Variants in FARS2 observed in about 807,000 individuals in gnomAD.
FARS2 encodes the protein phenylalanine--tRNA ligase, mitochondrial.
FARS2 carries 40 observed loss-of-function variants against 46.4 expected under a neutral mutation model. The observed-to-expected ratio is 0.86, with a 90% CI of 0.67 to 1.12. FARS2 has a LOEUF of 1.12. Among genes scored for constraint, FARS2 ranks in the 50% most tolerant of loss-of-function variants. The pLI is 0.00. For missense variants in FARS2, 513 were observed against 567.9 expected (o/e 0.90, Z 0.98); for synonymous variants, 234 against 214.9 (o/e 1.09, Z -0.78).
intron 2 of FARS2, among the ~76,000 whole-genome samples, chr6:5,385,899 CAG>C (rs1035764390): frequency 5.3e-5 from 8 of 152,146 alleles, no homozygotes; most frequent in African/African-American, 1.9e-4. Context: ...CCCTGGGGCT[CAG>C]GGGTCGCCTG....
At chr6:5,665,127 G>A (rs1330206177) in intron 6 of FARS2, 1 of 152,240 alleles carries the variant, frequency 6.6e-6, no homozygotes, top group East Asian at 1.9e-4. Context: ...ATGTGTTTAA[G>A]TAGAGCTGGG....
At chr6:5,453,275 C>A (rs1764612003) in intron 4 of FARS2, among the ~76,000 whole-genome samples, 1 of 152,052 alleles carries the variant, frequency 6.6e-6, no homozygotes, top group African/African-American at 2.4e-5. Flanking sequence ...ATGAAAATAA[C>A]AAAGCTAGGG....
chr6:5,300,110 A>C (rs1768191252), intron 1 of FARS2, among the ~76,000 whole-genome samples: 1 of 152,158 alleles, frequency 6.6e-6, no homozygotes, highest in Admixed American at 6.5e-5. Flanking sequence ...CTCTGTGAGT[A>C]GTTAGAGAAA....
At chr6:5,646,267 T>A (rs971269235) in intron 6 of FARS2, among the ~76,000 whole-genome samples, 1 of 152,214 alleles carries the variant, frequency 6.6e-6, no homozygotes, top group Non-Finnish European at 1.5e-5. Context: ...CTAATGCTGC[T>A]CTAATATCCA....
Position 5,311,086 on chromosome 6 carries a change from T to C in FARS2, c.-22+49426T>C, listed in dbSNP as rs972196968. Among the ~76,000 whole-genome samples, 46 of 152,220 alleles carry C rather than the reference T, an allele frequency of 3.0e-4. 1 individual carries two copies. The highest frequency in any genetic ancestry group is 8.2e-4 in the African/African-American group (34 of 41,460). On this transcript the variant is annotated intron_variant, in intron 1 of 6. Transcript: ENST00000274680. The surrounding 1 kb of genome is among the most constrained non-coding windows in gnomAD (Gnocchi z 4.1). The stretch of plus-strand genomic sequence containing the variant: ...TGTCACAGCAGAAACCTGGGAACAG[T>C]CAGAACACATCAATGAGGCACTGGT...
chr6:5,425,268 T>G (rs143130883), intron 3 of FARS2, among the ~76,000 whole-genome samples: 14 of 152,304 alleles, frequency 9.2e-5, no homozygotes, highest in African/African-American at 2.6e-4. Context: ...TTTCAAAATT[T>G]AGATTCTACC....
intron 1 of FARS2, among the ~76,000 whole-genome samples, chr6:5,301,249 G>C (rs1217672350): frequency 6.6e-6 from 1 of 152,156 alleles, no homozygotes; most frequent in Non-Finnish European, 1.5e-5. Context: ...TTACTTTTCT[G>C]ATGCCTTAAC....
chr6:5,566,244 T>C (rs562465853), intron 5 of FARS2, among the ~76,000 whole-genome samples: 3 of 152,294 alleles, frequency 2.0e-5, no homozygotes, highest in Admixed American at 2.0e-4. Flanking sequence ...GGAGTGGGGA[T>C]GTTTCCTTAT....
At chr6:5,519,173 T>G (rs1336265478) in intron 4 of FARS2, among the ~76,000 whole-genome samples, 9 of 152,084 alleles carry the variant, frequency 5.9e-5, no homozygotes, top group African/African-American at 1.9e-4. Flanking sequence ...TGAGCTGTGG[T>G]TTGTCTGTGC....
At chr6:5,465,439 C>T (rs1030764465) in intron 4 of FARS2, among the ~76,000 whole-genome samples, 6 of 152,174 alleles carry the variant, frequency 3.9e-5, no homozygotes, top group Non-Finnish European at 8.8e-5. Flanking sequence ...GTCTTACTTG[C>T]GTATTATAAT....
At chr6:5,502,326 C>T (rs1767853031) in intron 4 of FARS2, among the ~76,000 whole-genome samples, 1 of 152,112 alleles carries the variant, frequency 6.6e-6, no homozygotes, top group African/African-American at 2.4e-5. Flanking sequence ...TTGGCATGCC[C>T]TTTCTGCAAG....
upstream of FARS2, among the ~76,000 whole-genome samples, chr6:5,257,560 G>A (rs530247325): frequency 1.2e-4 from 19 of 152,320 alleles, no homozygotes; most frequent in Non-Finnish European, 2.6e-4. Context: ...TCCGTGGCCT[G>A]TTAGGAACCG....
intron 6 of FARS2, among the ~76,000 whole-genome samples, chr6:5,621,974 A>C (rs948578787): frequency 9.2e-5 from 14 of 152,236 alleles, no homozygotes; most frequent in African/African-American, 3.4e-4. Flanking sequence ...CATTACCTGC[A>C]GTCTTTTCTA....
intron 6 of FARS2, among the ~76,000 whole-genome samples, chr6:5,696,029 T>C (rs1464292184): frequency 6.6e-6 from 1 of 152,222 alleles, no homozygotes; most frequent in Non-Finnish European, 1.5e-5. Flanking sequence ...TTTTCAGCTG[T>C]AGGTTTGACA....
chr6:5,675,543 A>T lies in FARS2; in HGVS notation c.1217+62223A>T, dbSNP rs572154335. Among the ~76,000 whole-genome samples the T allele has an allele frequency of 4.6e-5, 7 of 152,334 alleles. No individual in the cohort carries two copies. In the East Asian group the frequency reaches 1.3e-3, roughly 29 times the overall value. ...TTCCACATGTACCCAATACAGTGTT[A>T]AAAAGAGTCCTGTTCAGCTAGGATA... On this transcript the variant is annotated intron_variant, in intron 6 of 6. Transcript: ENST00000274680.
At chr6:5,608,222 A>G (rs1407694116) in intron 5 of FARS2, among the ~76,000 whole-genome samples, 1 of 152,166 alleles carries the variant, frequency 6.6e-6, no homozygotes, top group African/African-American at 2.4e-5. Flanking sequence ...AGGAGTGTTT[A>G]CCATCAGTTT....
chr6:5,267,590 A>C (rs570839229), intron 1 of FARS2, among the ~76,000 whole-genome samples: 1 of 152,098 alleles, frequency 6.6e-6, no homozygotes, highest in African/African-American at 2.4e-5. Context: ...CTCTACTAAA[A>C]AAATACAAAA....
chr6:5,683,826 T>C (rs1347070031), intron 6 of FARS2, among the ~76,000 whole-genome samples: 2 of 152,278 alleles, frequency 1.3e-5, no homozygotes, highest in South Asian at 4.2e-4. Context: ...TGTGTCCATG[T>C]GTTCTCATTC....
At chr6:5,395,065 TTTTG>T (rs1760815598) in intron 2 of FARS2, among the ~76,000 whole-genome samples, 1 of 152,096 alleles carries the variant, frequency 6.6e-6, no homozygotes, top group Non-Finnish European at 1.5e-5. Context: ...TGCTGATTGG[TTTTG>T]AGACAGAGTC....
Sources: gnomAD v4.1 joint callset for allele counts (sites outside exome capture counted in the v4.1 genomes callset) on GRCh38, gnomAD v4.1.1 for gene constraint, Gnocchi (gnomAD v3.1) non-coding constraint, MANE v1.5 for transcripts, NCBI Gene and HGNC (gene_info 2026-07-23, HGNC 2026-07-21) for gene names.